KCNH1: variants seen among roughly 807,000 people sequenced by gnomAD.
KCNH1 encodes the protein voltage-gated delayed rectifier potassium channel KCNH1.
Under a neutral mutation model 69.2 loss-of-function variants are expected in KCNH1, and 27 were observed. That is an observed-to-expected ratio of 0.39 (90% CI 0.29 to 0.54). The LOEUF is 0.54. Among genes scored for constraint, KCNH1 ranks in the 20% least tolerant of loss-of-function variants. The pLI is 0.68. For synonymous variants in KCNH1, 456 were observed against 487.7 expected, an observed-to-expected ratio of 0.93 and a Z score of 0.86; for missense variants, 798 against 1,261.6, an observed-to-expected ratio of 0.63 and a Z score of 5.57.
At chr1:210,741,232 C>T (rs1056986625) in intron 10 of KCNH1, among the ~76,000 whole-genome samples, 4 of 152,146 alleles carry the variant, frequency 2.6e-5, no homozygotes, top group Non-Finnish European at 5.9e-5. Flanking sequence ...CAGAATATTG[C>T]AAACTTCTTT....
At chr1:211,069,655 A>C (rs1017482202) in intron 5 of KCNH1, among the ~76,000 whole-genome samples, 30 of 152,186 alleles carry the variant, frequency 2.0e-4, no homozygotes, top group African/African-American at 7.2e-4. Flanking sequence ...GCTTGAGGAC[A>C]TGTCAATAGA....
intron 10 of KCNH1, among the ~76,000 whole-genome samples, chr1:210,744,225 T>C (rs1683097367): frequency 6.6e-6 from 1 of 152,220 alleles, no homozygotes; most frequent in Non-Finnish European, 1.5e-5. Context: ...GTCTATCTTA[T>C]CTTACTGACC....
chr1:210,757,291 T>G (rs1245666010), intron 10 of KCNH1, among the ~76,000 whole-genome samples: 1 of 152,168 alleles, frequency 6.6e-6, no homozygotes, highest in Admixed American at 6.5e-5. Flanking sequence ...GGCATTTGAA[T>G]CAACCATCTC....
chr1:210,867,521 A>G (rs968767698), intron 7 of KCNH1, among the ~76,000 whole-genome samples: 1 of 151,936 alleles, frequency 6.6e-6, no homozygotes, highest in South Asian at 2.1e-4. Flanking sequence ...TTCTGAAAAA[A>G]AATTTTATTG....
intron 7 of KCNH1, among the ~76,000 whole-genome samples, chr1:210,904,623 T>C (rs534689899): frequency 6.6e-6 from 1 of 152,252 alleles, no homozygotes; most frequent in South Asian, 2.1e-4. Context: ...GAAGCGGGAC[T>C]GGGGTTAGAC....
chr1:210,921,204 C>A (rs1687453131), intron 6 of KCNH1, among the ~76,000 whole-genome samples: 1 of 152,164 alleles, frequency 6.6e-6, no homozygotes, highest in African/African-American at 2.4e-5. Context: ...TCATTTAAAA[C>A]CCCAAACCTA....
intron 6 of KCNH1, among the ~76,000 whole-genome samples, chr1:211,001,255 A>G (rs1161865945): frequency 1.3e-5 from 2 of 152,238 alleles, no homozygotes; most frequent in African/African-American, 2.4e-5. Context: ...CATTTTTGCA[A>G]TCTACTCATC....
At chr1:210,790,731 AC>A (rs1684196702) in intron 9 of KCNH1, among the ~76,000 whole-genome samples, 1 of 152,054 alleles carries the variant, frequency 6.6e-6, no homozygotes. Context: ...AACACTCCTT[AC>A]TTCTACTGTA....
chr1:210,865,199 T>C (rs578227838), intron 7 of KCNH1, among the ~76,000 whole-genome samples: 1 of 152,362 alleles, frequency 6.6e-6, no homozygotes, highest in African/African-American at 2.4e-5. Flanking sequence ...AAGCTAAACA[T>C]ATGCCCCCAT....
At chr1:210,688,264 G>A (rs1235234790) in intron 10 of KCNH1, among the ~76,000 whole-genome samples, 1 of 152,184 alleles carries the variant, frequency 6.6e-6, no homozygotes. Flanking sequence ...CTGTATTTGT[G>A]TATAGCCCTA....
Position 211,122,197 on chromosome 1 carries a change from AT to A in KCNH1, c.79+11669del, listed in dbSNP as rs556838345. Among the ~76,000 whole-genome samples, 10 of 152,282 alleles carry A rather than the reference AT, an allele frequency of 6.6e-5. No individual in the cohort carries two copies. The South Asian group carries it at 2.1e-3, about 32-fold the overall frequency. On this transcript the variant is annotated intron_variant, in intron 1 of 10. Transcript: ENST00000271751. ...GAACAGACACTTCTCAAAATAAGAC[AT>A]TTATGTAGCCAACAAACATATGAAA...
At chr1:210,920,659 T>TA (rs35882578) in intron 6 of KCNH1, among the ~76,000 whole-genome samples, 8 of 151,662 alleles carry the variant, frequency 5.3e-5, no homozygotes, top group Admixed American at 6.6e-5. Context: ...CTTTTATAAT[T>TA]AAAAAAATAA....
At chr1:210,850,349 AT>A (rs1400483556) in intron 7 of KCNH1, among the ~76,000 whole-genome samples, 1 of 151,822 alleles carries the variant, frequency 6.6e-6, no homozygotes, top group Non-Finnish European at 1.5e-5. Context: ...GAAAAAAAAA[AT>A]ACCAAAAAAA....
At chr1:210,980,492 G>T (rs1688688862) in intron 6 of KCNH1, among the ~76,000 whole-genome samples, 1 of 152,184 alleles carries the variant, frequency 6.6e-6, no homozygotes, top group African/African-American at 2.4e-5. Flanking sequence ...AGGAGGTTAT[G>T]AGGGTAAAAG....
At chr1:210,973,021 C>T (rs1020509870) in intron 6 of KCNH1, among the ~76,000 whole-genome samples, 4 of 151,902 alleles carry the variant, frequency 2.6e-5, no homozygotes, top group African/African-American at 9.7e-5. Flanking sequence ...ATTTCATCTG[C>T]TATCTCAAAA....
At chr1:211,018,414 G>GA (rs1447012397) in intron 6 of KCNH1, among the ~76,000 whole-genome samples, 3 of 152,344 alleles carry the variant, frequency 2.0e-5, no homozygotes, top group Non-Finnish European at 4.4e-5. Context: ...GCAGATAAAA[G>GA]AAAAGTCTGC....
intron 7 of KCNH1, among the ~76,000 whole-genome samples, chr1:210,869,587 G>A (rs1686192571): frequency 6.7e-6 from 1 of 150,270 alleles, no homozygotes; most frequent in African/African-American, 2.4e-5. Context: ...TCATATTGTT[G>A]AATGCTGGAT....
At chr1:210,765,079 A>G (rs1230354741) in intron 10 of KCNH1, among the ~76,000 whole-genome samples, 1 of 152,238 alleles carries the variant, frequency 6.6e-6, no homozygotes, top group Non-Finnish European at 1.5e-5. Context: ...GCTGAAGGCC[A>G]TTATCCTAAG....
chr1:210,893,065 G>T (rs1686781188), intron 7 of KCNH1, among the ~76,000 whole-genome samples: 1 of 152,154 alleles, frequency 6.6e-6, no homozygotes, highest in Non-Finnish European at 1.5e-5. Flanking sequence ...GCAGGAGTTA[G>T]CAAAAGAAGA....
Sources: gnomAD v4.1 joint callset for allele counts (sites outside exome capture counted in the v4.1 genomes callset) on GRCh38, gnomAD v4.1.1 for gene constraint, MANE v1.5 for transcripts, NCBI Gene and HGNC (gene_info 2026-07-23, HGNC 2026-07-21) for gene names.